ADGRE2: variants seen among roughly 807,000 people sequenced by gnomAD.
ADGRE2 encodes CD97 antigen.
A neutral mutation model predicts 100.8 loss-of-function variants in ADGRE2; 83 were observed. The ratio of observed to expected loss-of-function variants is 0.82; its 90% CI spans 0.69 to 0.99. ADGRE2 has a LOEUF of 0.99. ADGRE2 is among the 50% of genes least tolerant of loss of function. ADGRE2 has a pLI of 0.00. For synonymous variants in ADGRE2, 355 were observed against 413.0 expected, an observed-to-expected ratio of 0.86 and a Z score of 1.70; for missense variants, 814 against 1,035.7, an observed-to-expected ratio of 0.79 and a Z score of 2.94.
intron 20 of ADGRE2, among the ~76,000 whole-genome samples, chr19:14,738,416 T>C (rs1389237505): frequency 6.6e-6 from 1 of 152,218 alleles, no homozygotes. Context: ...TCTTGCTTTG[T>C]TGCCCAGGCT....
intron 7 of ADGRE2, 82 bp downstream of exon 7, chr19:14,766,153 T>G (rs750154846): frequency 6.2e-7 from 1 of 1,605,838 alleles, no homozygotes; most frequent in Non-Finnish European, 8.5e-7. Context: ...CAGCGCTCAT[T>G]CTGCTTGGTT....
chr19:14,744,114 G>A (rs775480146), intron 18 of ADGRE2, among the ~76,000 whole-genome samples: 12 of 151,588 alleles, frequency 7.9e-5, no homozygotes, highest in Non-Finnish European at 1.5e-4. Context: ...TGGTCGGGGG[G>A]GCGCCTGTAA....
rs989449514 is a variant in ADGRE2 at position 14,755,582 on chromosome 19, G to A, written c.1416+72C>T. On this transcript the variant is annotated intron_variant, in intron 13 of 20. Transcript: ENST00000315576. Reference sequence around the variant, plus strand: ...CATAACAGAGACCCCTGAGCCCCAGGGCTGAGCTGAGCAGCAAGGCTATGC... The same window carrying A: ...CATAACAGAGACCCCTGAGCCCCAGAGCTGAGCTGAGCAGCAAGGCTATGC... 3.6e-6 allele frequency: 5 copies of A among 1,383,818 alleles called. No homozygotes were observed. The African/African-American group carries it at 7.1e-5, about 20-fold the overall frequency. 85.7% of individuals were successfully genotyped at this position (1,383,818 alleles called of 1,614,324 possible).
At chr19:14,728,981 G>A (rs1374508660), downstream of ADGRE2, among the ~76,000 whole-genome samples, 3 of 152,204 alleles carry the variant, frequency 2.0e-5, no homozygotes, top group Non-Finnish European at 1.5e-5. Context: ...AATAAAGAAG[G>A]GGGAAGGGGA....
intron 11 of ADGRE2, among the ~76,000 whole-genome samples, chr19:14,760,874 GTT>G (rs2043693731): frequency 6.6e-6 from 1 of 152,148 alleles, no homozygotes; most frequent in Non-Finnish European, 1.5e-5. Flanking sequence ...TACCTGAAGA[GTT>G]CATCTGGATG....
Position 14,733,705 on chromosome 19 carries a change from G to A in ADGRE2, c.*2531C>T, listed in dbSNP as rs1199400447. ...TAATTCAGCCAGCAGCCCCTCTCAG[G>A]TGTGTTTTCTCTAAAATAAACCTGT... On this transcript the variant is annotated 3_prime_UTR_variant, in exon 21 of 21. Transcript: ENST00000315576. 1 of 152,238 alleles carries A rather than the reference G, an allele frequency of 6.6e-6. No individual in the cohort carries two copies. Among genetic ancestry groups the A allele is most frequent in the Non-Finnish European group, 1.5e-5 (1 of 68,066 alleles). The allele number at this position is 152,238 out of a possible 1,614,324, so 9.4% of individuals were successfully genotyped here. A position where few individuals can be genotyped will look rare whatever the true frequency, so the allele number is the denominator to read the frequency against.
chr19:14,756,635 C>G (rs1384972998), intron 11 of ADGRE2, among the ~76,000 whole-genome samples: 2 of 152,000 alleles, frequency 1.3e-5, no homozygotes, highest in African/African-American at 4.8e-5. Context: ...AACTAACAGC[C>G]CAGACCAGAT....
intron 15 of ADGRE2, among the ~76,000 whole-genome samples, chr19:14,751,998 A>ATTC (rs2043312144): frequency 6.7e-6 from 1 of 148,688 alleles, no homozygotes; most frequent in South Asian, 2.1e-4. Context: ...CAATGGTGCG[A>ATTC]TCTCGGCTTA....
chr19:14,772,450 A>T lies in ADGRE2; in HGVS notation c.247T>A (p.Ser83Thr). 6.2e-7 allele frequency: 1 copy of T among 1,614,088 alleles called. No individual in the cohort carries two copies. ...CTCCCCTCTGTGTTCCAGCAGTCCG[A>T]GAATTTTCCGCATGACACTTTCGAC... ...TLSKVSCGKF[S>T]DCWNTEGSYD... Residue 83 changes from serine (S) to threonine (T), a missense_variant, in exon 5 of 21, where the codon TCG becomes ACG. Physicochemically the swap from Ser to Thr is moderately conservative, Grantham distance 58. Around this residue, in one of 5 missense-constraint regions of ADGRE2, gnomAD observed 143 missense variants for 160.3 expected, o/e 0.89. Transcript: ENST00000315576.
At chr19:14,773,092 AAAAAAACAAAAAAAAAAAG>A (rs1324299909) in intron 4 of ADGRE2, among the ~76,000 whole-genome samples, 52 of 147,260 alleles carry the variant, frequency 3.5e-4, no homozygotes, top group African/African-American at 1.3e-3. Context: ...AAAAAAAAAA[AAAAAAACAAAAAAAAAAAG>A]AAAAAAGAAA....
intron 14 of ADGRE2, among the ~76,000 whole-genome samples, chr19:14,754,477 A>ATCTATCTG (rs144447992): frequency 0.056 from 8,421 of 150,224 alleles, 282 homozygotes; most frequent in East Asian, 0.095. Context: ...CTATCTATCT[A>ATCTATCTG]TCTATCTATC....
At chr19:14,760,780 G>A (rs1319551446) in intron 11 of ADGRE2, among the ~76,000 whole-genome samples, 1 of 152,100 alleles carries the variant, frequency 6.6e-6, no homozygotes, top group Non-Finnish European at 1.5e-5. Context: ...TTTTGGAGTT[G>A]AGGAAAAGCT....
rs189111656 is a variant in ADGRE2 at position 14,769,397 on chromosome 19, G to T, written c.356-2288C>A. 1.6e-3 allele frequency among the ~76,000 whole-genome samples: 246 copies of T among 152,260 alleles called. 4 individuals are homozygous for T. The highest frequency in any genetic ancestry group is 5.9e-4 in the Non-Finnish European group (40 of 68,018). On this transcript the variant is annotated intron_variant, in intron 5 of 20. Coordinates refer to ENST00000315576, the MANE Select transcript of ADGRE2 (RefSeq NM_013447.4). Reference sequence around the variant, plus strand: ...CCCTGTGATGCCTGGAGTAAGTGGGGCAAGGAGCTGAGGGAGTGGCCCCAG... The same window carrying T: ...CCCTGTGATGCCTGGAGTAAGTGGGTCAAGGAGCTGAGGGAGTGGCCCCAG...
chr19:14,731,358 C>T (rs926827529), downstream of ADGRE2: 16 of 648,298 alleles, frequency 2.5e-5, no homozygotes, highest in Non-Finnish European at 3.9e-5. Flanking sequence ...GACATCCGGG[C>T]TCCTTAACTT....
At chr19:14,777,334 G>A (rs942810230) in intron 1 of ADGRE2, among the ~76,000 whole-genome samples, 2 of 152,240 alleles carry the variant, frequency 1.3e-5, no homozygotes, top group African/African-American at 2.4e-5. Context: ...CTGTTTTCCA[G>A]ATGAGGAAAC....
Position 14,755,714 on chromosome 19 carries a change from A to G in ADGRE2, c.1356T>C (p.Phe452=), listed in dbSNP as rs1457803202. The G allele has an allele frequency of 1.2e-6, 2 of 1,614,062 alleles. No homozygotes were observed. The highest frequency in any genetic ancestry group is 1.3e-5 in the African/African-American group (1 of 74,924). ...PILLSDVISA[F]LSNNDTQNLS... is the part of the protein sequence containing the mutation. ...GGTTTTGGGTGTCGTTGTTGCTCAGAAAGGCAGAGATCACATCTGAGAGCA... is the reference window on the plus strand; with the variant it reads ...GGTTTTGGGTGTCGTTGTTGCTCAGGAAGGCAGAGATCACATCTGAGAGCA... The change falls in exon 13 of 21, where the codon TTT becomes TTC. Residue 452 remains phenylalanine, a synonymous_variant. Coordinates refer to ENST00000315576, the MANE Select transcript of ADGRE2 (RefSeq NM_013447.4).
At chr19:14,741,818 T>C (rs1050828946) in intron 20 of ADGRE2, 24 of 382,712 alleles carry the variant, frequency 6.3e-5, no homozygotes, top group Non-Finnish European at 5.5e-5. Context: ...ATCCAAGTAG[T>C]CTTACTTTGC....
chr19:14,776,248 A>C (rs1445315584), intron 2 of ADGRE2, among the ~76,000 whole-genome samples: 1 of 152,056 alleles, frequency 6.6e-6, no homozygotes, highest in Non-Finnish European at 1.5e-5. Context: ...ACTGAAAGAG[A>C]GACAGAAGGA....
chr19:14,728,365 G>C (rs999741445), downstream of ADGRE2, among the ~76,000 whole-genome samples: 2 of 152,178 alleles, frequency 1.3e-5, no homozygotes, highest in Non-Finnish European at 2.9e-5. Flanking sequence ...AGGGTGTGAT[G>C]ACAGTCTGTT....
Sources: allele counts gnomAD v4.1 joint callset (sites outside exome capture counted in the v4.1 genomes callset), GRCh38; gene constraint gnomAD v4.1.1; regional missense constraint gnomAD v4.1.1; transcripts MANE v1.5; gene names NCBI Gene and HGNC (gene_info 2026-07-23, HGNC 2026-07-21).